PIP5K1B: variants seen among roughly 807,000 people sequenced by gnomAD.
PIP5K1B encodes the protein phosphatidylinositol 4-phosphate 5-kinase type-1 beta.
In PIP5K1B, 42 loss-of-function variants were observed where a neutral mutation model predicts 67.0. The observed-to-expected ratio is 0.63, with a 90% confidence interval of 0.49 to 0.81. The LOEUF is 0.81. Ranked by LOEUF, PIP5K1B falls within the 30% of genes least tolerant of loss-of-function variation. The pLI is 0.00. For synonymous variants in PIP5K1B, 214 were observed against 231.4 expected (o/e 0.92, Z 0.68); for missense variants, 459 against 646.3 (o/e 0.71, Z 3.14).
At chr9:68,727,659 C>T (rs1828219300) in intron 1 of PIP5K1B, 2 of 152,146 alleles carry the variant, frequency 1.3e-5, no homozygotes, top group African/African-American at 4.8e-5. Flanking sequence ...GGAGTGGATA[C>T]TATTATCACC....
chr9:68,853,956 C>T (rs1415311156), intron 4 of PIP5K1B, among the ~76,000 whole-genome samples: 1 of 152,282 alleles, frequency 6.6e-6, no homozygotes, highest in Admixed American at 6.5e-5. Context: ...GCCCCTCCCA[C>T]TGCTGGAGGC....
chr9:68,912,616 A>C (rs1297106835), intron 8 of PIP5K1B, among the ~76,000 whole-genome samples: 1 of 152,180 alleles, frequency 6.6e-6, no homozygotes, highest in Non-Finnish European at 1.5e-5. Flanking sequence ...AGGAATCCCT[A>C]TTATAGAGAT....
At chr9:68,734,976 C>A (rs892396548) in intron 1 of PIP5K1B, among the ~76,000 whole-genome samples, 1 of 152,184 alleles carries the variant, frequency 6.6e-6, no homozygotes, top group Non-Finnish European at 1.5e-5. Context: ...TAGTGCCTTT[C>A]GGCCTATTTT....
intron 1 of PIP5K1B, among the ~76,000 whole-genome samples, chr9:68,723,695 G>GTTTTTTTTTTTTTTTT (rs36021674): frequency 1.8e-4 from 9 of 50,124 alleles, no homozygotes; most frequent in African/African-American, 2.6e-4. Context: ...GAAGTATTTG[G>GTTTTTTTTTTTTTTTT]TTTTTTTTTT....
In PIP5K1B at chr9:68,822,605, T is replaced by G; in HGVS notation, c.1-10T>G. On this transcript the variant is annotated splice_polypyrimidine_tract_variant and intron_variant, in intron 3 of 15. Transcript: ENST00000265382. The stretch of plus-strand genomic sequence containing the variant: ...ATTGAAGTTCAAAGGGCAGTGTGTT[T>G]CTCTTGTAGATGTCTTCTGCTGCTG... 1.9e-6 allele frequency: 3 copies of G among 1,603,686 alleles called. No individual in the cohort carries two copies. Among genetic ancestry groups the G allele is most frequent in the Non-Finnish European group, 2.6e-6 (3 of 1,171,736 alleles).
At chr9:69,002,771 C>T (rs1830880558) in intron 15 of PIP5K1B, among the ~76,000 whole-genome samples, 1 of 151,974 alleles carries the variant, frequency 6.6e-6, no homozygotes, top group African/African-American at 2.4e-5. Flanking sequence ...TCACTTAAGT[C>T]CAGGAGTTCA....
chr9:68,715,883 G>T (rs866381417), intron 1 of PIP5K1B, among the ~76,000 whole-genome samples: 15 of 152,176 alleles, frequency 9.9e-5, no homozygotes, highest in African/African-American at 3.6e-4. Flanking sequence ...TATAATGGTA[G>T]CTGCAGGTAT....
At chr9:68,983,182 G>C (rs932748778) in intron 14 of PIP5K1B, among the ~76,000 whole-genome samples, 5 of 152,192 alleles carry the variant, frequency 3.3e-5, no homozygotes, top group Non-Finnish European at 5.9e-5. Context: ...GTTTTTGAAT[G>C]GCAGAAAATC....
chr9:68,945,241 G>C (rs536265590), intron 14 of PIP5K1B, among the ~76,000 whole-genome samples: 2 of 152,062 alleles, frequency 1.3e-5, no homozygotes, highest in Admixed American at 1.3e-4. Context: ...CGCCTCCAGG[G>C]TACAAGTGAT....
rs28710867 is a variant in PIP5K1B, at chr9:68,941,036, A to G, written c.1502+246A>G. 5.6e-3 allele frequency: 3,326 copies of G among 598,428 alleles called. 95 individuals carry two copies. Among genetic ancestry groups the G allele is most frequent in the African/African-American group, 0.054 (2,935 of 54,854 alleles). 37.1% of individuals were successfully genotyped at this position (598,428 alleles called of 1,614,324 possible). A position where few individuals can be genotyped will look rare whatever the true frequency, so the allele number is the denominator to read the frequency against. ...AGAAATTATATACTTGGCTCAATGG[A>G]AGAAGACAAATCTTTCATCATTTTT... On this transcript the variant is annotated intron_variant, in intron 14 of 15. Coordinates refer to ENST00000265382, the MANE Select transcript of PIP5K1B (RefSeq NM_003558.4).
Position 68,917,662 on chromosome 9 carries a change from C to A in PIP5K1B, c.886C>A (p.Arg296=). The A allele has an allele frequency of 6.2e-7, 1 of 1,614,008 alleles. No individual in the cohort carries two copies. Among genetic ancestry groups the A allele is most frequent in the South Asian group, 1.1e-5 (1 of 91,082 alleles). Residue 296 remains arginine (R), a synonymous_variant, in exon 9 of 16, where the codon CGG becomes AGG. Coordinates refer to ENST00000265382, the MANE Select transcript of PIP5K1B (RefSeq NM_003558.4). Reference sequence around the variant, plus strand: ...CCCACAAAATGTGCCTGATGCTAAGCGGACTGGGATGCAGAAGGTTCTCTA... The same window carrying A: ...CCCACAAAATGTGCCTGATGCTAAGAGGACTGGGATGCAGAAGGTTCTCTA... The part of the protein sequence containing the change: ...ETPQNVPDAK[R]TGMQKVLYST...
At chr9:68,730,270 T>C (rs1399285991) in intron 1 of PIP5K1B, among the ~76,000 whole-genome samples, 2 of 152,162 alleles carry the variant, frequency 1.3e-5, no homozygotes, top group African/African-American at 4.8e-5. Flanking sequence ...TATAATTCAC[T>C]TAAAGGAGGT....
In PIP5K1B at chr9:68,818,449, C is replaced by G. The variant is rs1443466617; in HGVS notation, c.-85-12C>G. On this transcript the variant is annotated splice_polypyrimidine_tract_variant and intron_variant, in intron 2 of 15. Transcript: ENST00000265382. ...ATGAATAAATGATGACCAGAAATTT[C>G]TATTTTAACAGAAACCTGGCAAAGA... 1.3e-5 allele frequency: 2 copies of G among 152,432 alleles called. No homozygotes were observed. The highest frequency in any genetic ancestry group is 2.9e-5 in the Non-Finnish European group (2 of 68,014). 9.4% of individuals were successfully genotyped at this position (152,432 alleles called of 1,614,324 possible).
At chr9:68,864,164 T>C (rs999213530) in intron 5 of PIP5K1B, among the ~76,000 whole-genome samples, 197 bp downstream of exon 5, 3 of 152,210 alleles carry the variant, frequency 2.0e-5, no homozygotes, top group Admixed American at 6.5e-5. Flanking sequence ...TATGTGGAGA[T>C]GGTAAATAGG....
chr9:68,901,537 G>A (rs1020133403), intron 8 of PIP5K1B, among the ~76,000 whole-genome samples: 1 of 152,214 alleles, frequency 6.6e-6, no homozygotes, highest in Non-Finnish European at 1.5e-5. Context: ...GGGATTACAG[G>A]TGTGAAGCAC....
intron 4 of PIP5K1B, among the ~76,000 whole-genome samples, chr9:68,823,820 G>A (rs1833850298): frequency 2.6e-5 from 4 of 152,092 alleles, no homozygotes; most frequent in Admixed American, 2.6e-4. Flanking sequence ...ATGAGCTATG[G>A]GCTCTGACCA....
chr9:68,827,144 G>A (rs11143893), intron 4 of PIP5K1B, among the ~76,000 whole-genome samples: 2,431 of 152,332 alleles, frequency 0.016, 52 homozygotes, highest in East Asian at 0.1. Context: ...CACAGAAACA[G>A]GGAGGAGCAT....
chr9:68,857,855 G>A (rs947610914), intron 4 of PIP5K1B, among the ~76,000 whole-genome samples: 5 of 152,078 alleles, frequency 3.3e-5, no homozygotes, highest in Admixed American at 1.3e-4. Flanking sequence ...TTGTAGAACC[G>A]GGGTGGTTAC....
intron 14 of PIP5K1B, among the ~76,000 whole-genome samples, chr9:68,971,462 C>T (rs754194371): frequency 2.6e-5 from 4 of 152,172 alleles, no homozygotes; most frequent in Non-Finnish European, 2.9e-5. Flanking sequence ...CATACTTGTG[C>T]GTGTGTCTTT....
Sources: gnomAD v4.1 joint callset for allele counts (sites outside exome capture counted in the v4.1 genomes callset) on GRCh38, gnomAD v4.1.1 for gene constraint, MANE v1.5 for transcripts, NCBI Gene and HGNC (gene_info 2026-07-23, HGNC 2026-07-21) for gene names.